The following FHIT variants were observed in gnomAD, a reference collection of about 807,000 sequenced individuals.
FHIT encodes the protein bis(5'-adenosyl)-triphosphatase.
FHIT carries 19 observed loss-of-function variants against 17.9 expected under a neutral mutation model. That is an observed-to-expected ratio of 1.06 (90% CI 0.74 to 1.56). The LOEUF is 1.56. Among genes scored for constraint, FHIT ranks in the 40% most tolerant of loss-of-function variants. The probability of loss-of-function intolerance (pLI) is 0.00; values close to 1 mark genes in which losing one functional copy is unlikely to be tolerated. For missense variants in FHIT, 248 were observed against 189.2 expected, an observed-to-expected ratio of 1.31 and a Z score of -1.82; for synonymous variants, 81 against 69.7, an observed-to-expected ratio of 1.16 and a Z score of -0.81.
chr3:61,105,545 AC>A (rs1262435093), intron 2 of FHIT, among the ~76,000 whole-genome samples: 1 of 152,038 alleles, frequency 6.6e-6, no homozygotes, highest in Non-Finnish European at 1.5e-5. Context: ...AAAGTGAGTG[AC>A]TTTTTTAAAT....
chr3:61,209,999 G>A (rs1313154220), intron 1 of FHIT, among the ~76,000 whole-genome samples: 1 of 152,210 alleles, frequency 6.6e-6, no homozygotes, highest in Non-Finnish European at 1.5e-5. Flanking sequence ...TGGTGTGGAT[G>A]TCCTTTCTGT....
chr3:60,342,595 A>G (rs1488007187), intron 5 of FHIT, among the ~76,000 whole-genome samples: 1 of 152,220 alleles, frequency 6.6e-6, no homozygotes, highest in African/African-American at 2.4e-5. Flanking sequence ...ATTCTGTAAA[A>G]CTATGAGTTG....
At chr3:60,167,336 C>T (rs536319435) in intron 5 of FHIT, among the ~76,000 whole-genome samples, 8 of 152,312 alleles carry the variant, frequency 5.3e-5, no homozygotes, top group African/African-American at 1.7e-4. Context: ...ACTTGAAACA[C>T]ACCTCTTATT....
rs755970231 is a variant in FHIT, at chr3:59,752,301, C to T, written c.369G>A (p.Glu123=). ...IYEELQKHDK[E]DFPASWRSEE... is the part of the protein sequence containing the mutation. ...CTGATCTCCAAGAGGCAGGAAAGTC[C>T]TCCTTGTCATGTTTCTGGAGCTTTG... Residue 123 remains glutamate, a synonymous_variant, in exon 9 of 10, where the codon GAG becomes GAA. Coordinates refer to ENST00000492590, the MANE Select transcript of FHIT (RefSeq NM_002012.4). The T allele has an allele frequency of 5.0e-6, 8 of 1,612,212 alleles. No homozygotes were observed. Among genetic ancestry groups the T allele is most frequent in the Admixed American group, 3.3e-5 (2 of 59,894 alleles).
Position 59,749,210 on chromosome 3 carries a change from G to A in FHIT, c.*375C>T, listed in dbSNP as rs1700748187. 4.3e-6 allele frequency: 1 copy of A among 230,272 alleles called. No homozygotes were observed. Among genetic ancestry groups the A allele is most frequent in the Non-Finnish European group, 8.6e-6 (1 of 116,296 alleles). 14.3% of individuals were successfully genotyped at this position (230,272 alleles called of 1,614,324 possible). A position where few individuals can be genotyped will look rare whatever the true frequency, so the allele number is the denominator to read the frequency against. On this transcript the variant is annotated 3_prime_UTR_variant, in exon 10 of 10. Coordinates refer to ENST00000492590, the MANE Select transcript of FHIT (RefSeq NM_002012.4). ...TTTTGAAAAGGGAAGAAATAAGCAGGTGGACCAATCCAACGATTGAATTTC... is the reference window on the plus strand; with the variant it reads ...TTTTGAAAAGGGAAGAAATAAGCAGATGGACCAATCCAACGATTGAATTTC...
At chr3:61,112,519 T>G (rs1290123746) in intron 2 of FHIT, among the ~76,000 whole-genome samples, 2 of 152,172 alleles carry the variant, frequency 1.3e-5, no homozygotes, top group African/African-American at 4.8e-5. Context: ...AATTGAAATG[T>G]CTTTTCAATA....
intron 4 of FHIT, among the ~76,000 whole-genome samples, chr3:60,629,756 G>T (rs2039390415): frequency 6.6e-6 from 1 of 152,148 alleles, no homozygotes; most frequent in Admixed American, 6.5e-5. Flanking sequence ...TTGCTTTAAT[G>T]TATCTAGGTA....
chr3:60,618,880 C>A (rs2039031966), intron 4 of FHIT, among the ~76,000 whole-genome samples: 1 of 151,980 alleles, frequency 6.6e-6, no homozygotes, highest in Non-Finnish European at 1.5e-5. Flanking sequence ...AAGGAAGGGA[C>A]CATAAGCCAA....
At chr3:60,732,921 G>A (rs545450887) in intron 4 of FHIT, among the ~76,000 whole-genome samples, 2 of 152,180 alleles carry the variant, frequency 1.3e-5, no homozygotes, top group South Asian at 4.2e-4. Context: ...CCTGACCTCA[G>A]GTGATCGGCC....
At chr3:60,013,011 ACT>A (rs1332844426) in intron 6 of FHIT, among the ~76,000 whole-genome samples, 1 of 152,174 alleles carries the variant, frequency 6.6e-6, no homozygotes, top group Non-Finnish European at 1.5e-5. Flanking sequence ...CCTGAAGGGG[ACT>A]CAAATGGTTT....
At position 60,334,294 on chromosome 3, in the gene FHIT, G is replaced by A. The variant is rs79119585; in HGVS notation, c.103+202566C>T. ...CATCTGCCTGACCAACAGTTACTGAGTCCCCAGTTGGCACAAGGTTGTATT... is the reference window on the plus strand; with the variant it reads ...CATCTGCCTGACCAACAGTTACTGAATCCCCAGTTGGCACAAGGTTGTATT... On this transcript the variant is annotated intron_variant, in intron 5 of 9. Coordinates refer to ENST00000492590, the MANE Select transcript of FHIT (RefSeq NM_002012.4). Among the ~76,000 whole-genome samples the A allele has an allele frequency of 3.7e-3, 564 of 152,266 alleles. 4 individuals carry two copies. The highest frequency in any genetic ancestry group is 0.012 in the African/African-American group (509 of 41,544).
rs539378782 is a variant in FHIT at position 59,917,551 on chromosome 3, C to T, written c.348+4795G>A. Among the ~76,000 whole-genome samples the T allele has an allele frequency of 5.3e-5, 8 of 152,206 alleles. No homozygotes were observed. In the South Asian group the frequency reaches 1.5e-3, roughly 28 times the overall value. On this transcript the variant is annotated intron_variant, in intron 8 of 9. Transcript: ENST00000492590. ...CAACTTGTCAAGATAATGAAGGGCC[C>T]ATTGAGTTCAGGGAAGGCTTGGCAT...
chr3:60,958,049 A>C (rs1429987703), intron 3 of FHIT, among the ~76,000 whole-genome samples: 1 of 152,222 alleles, frequency 6.6e-6, no homozygotes, highest in Non-Finnish European at 1.5e-5. Context: ...ATTTTCAACA[A>C]AACACTTAAA....
chr3:60,789,150 G>C (rs1700686632), intron 4 of FHIT, among the ~76,000 whole-genome samples: 1 of 98,150 alleles, frequency 1.0e-5, no homozygotes, highest in Non-Finnish European at 1.9e-5. Context: ...AGATGTGTGT[G>C]TGTGTGTATA....
At chr3:61,223,610 A>G (rs1412940479) in intron 1 of FHIT, among the ~76,000 whole-genome samples, 2 of 152,256 alleles carry the variant, frequency 1.3e-5, no homozygotes, top group Non-Finnish European at 2.9e-5. Context: ...TGCAAAGTAC[A>G]CAAGAGTTGG....
chr3:60,574,544 C>T (rs2107669128), intron 4 of FHIT, among the ~76,000 whole-genome samples: 1 of 152,122 alleles, frequency 6.6e-6, no homozygotes, highest in South Asian at 2.1e-4. Flanking sequence ...TTGTGGAGCA[C>T]TCACGCATTC....
chr3:60,358,905 T>G (rs1387710550), intron 5 of FHIT, among the ~76,000 whole-genome samples: 1 of 152,208 alleles, frequency 6.6e-6, no homozygotes, highest in African/African-American at 2.4e-5. Flanking sequence ...AGATTTATAT[T>G]AAATAATGTG....
chr3:60,081,904 T>C (rs1229565397), intron 5 of FHIT, among the ~76,000 whole-genome samples: 2 of 127,600 alleles, frequency 1.6e-5, no homozygotes, highest in Non-Finnish European at 3.3e-5. Flanking sequence ...CCACAAACGT[T>C]AAGTGATTTT....
chr3:60,053,684 C>T (rs1051425378), intron 5 of FHIT, among the ~76,000 whole-genome samples: 12 of 151,946 alleles, frequency 7.9e-5, no homozygotes, highest in Non-Finnish European at 1.5e-4. Context: ...CCCACCCCCG[C>T]TTTTTTGCTT....
Sources: gnomAD v4.1 joint callset for allele counts (sites outside exome capture counted in the v4.1 genomes callset) on GRCh38, gnomAD v4.1.1 for gene constraint, MANE v1.5 for transcripts, NCBI Gene and HGNC (gene_info 2026-07-23, HGNC 2026-07-21) for gene names.